TENM2: variants seen among roughly 807,000 people sequenced by gnomAD.
The protein encoded by TENM2 is teneurin transmembrane protein 2, also known as teneurin-2.
In TENM2, 52 loss-of-function variants were observed where a neutral mutation model predicts 245.2. The observed-to-expected ratio is 0.21, with a 90% confidence interval of 0.17 to 0.27. TENM2 has a LOEUF of 0.27. TENM2 is among the 10% of genes least tolerant of loss of function. The pLI is 1.00. For missense variants in TENM2, 3,046 were observed against 3,666.8 expected, an observed-to-expected ratio of 0.83 and a Z score of 4.37; for synonymous variants, 1,363 against 1,438.9, an observed-to-expected ratio of 0.95 and a Z score of 1.19.
rs377613739 is a variant in TENM2 at position 167,451,607 on chromosome 5, A to G, written c.502+76134A>G. Reference sequence around the variant, plus strand: ...CGAGACCTCTGGGATGACGTTTTCTATCTCAAGGGTGCTTTCAGGAGCAGA... The same window carrying G: ...CGAGACCTCTGGGATGACGTTTTCTGTCTCAAGGGTGCTTTCAGGAGCAGA... On this transcript the variant is annotated intron_variant, in intron 2 of 28. Transcript: ENST00000518659. 1.3e-4 allele frequency among the ~76,000 whole-genome samples: 19 copies of G among 151,804 alleles called. No individual in the cohort carries two copies. The South Asian group carries it at 4.0e-3, about 32-fold the overall frequency.
intron 2 of TENM2, among the ~76,000 whole-genome samples, chr5:167,528,536 T>C (rs1771273211): frequency 6.6e-6 from 1 of 152,170 alleles, no homozygotes; most frequent in South Asian, 2.1e-4. Flanking sequence ...AATAAAGTCA[T>C]GTATATAAAA....
chr5:166,983,101 C>A, the TENM2 span, among the ~76,000 whole-genome samples: 1 of 152,010 alleles, frequency 6.6e-6, no homozygotes, highest in Non-Finnish European at 1.5e-5. Flanking sequence ...TAAACCACTA[C>A]TTAACATAAT....
chr5:167,920,056 T>G (rs768426900), intron 3 of TENM2, among the ~76,000 whole-genome samples: 1 of 151,944 alleles, frequency 6.6e-6, no homozygotes, highest in African/African-American at 2.4e-5. Flanking sequence ...GGAAAGGAGA[T>G]GGGAATAGAG....
intron 2 of TENM2, among the ~76,000 whole-genome samples, chr5:167,441,810 G>A (rs1561958694): frequency 1.3e-5 from 2 of 152,122 alleles, no homozygotes; most frequent in South Asian, 2.1e-4. Flanking sequence ...CTTCTCTTGC[G>A]ATGATGGGTA....
chr5:168,083,372 A>G (rs942470017), intron 7 of TENM2, among the ~76,000 whole-genome samples: 1 of 152,220 alleles, frequency 6.6e-6, no homozygotes, highest in African/African-American at 2.4e-5. Flanking sequence ...TGGCTAGGAA[A>G]GGGAATTCCC....
intron 14 of TENM2, 31 bp from the exon 17 acceptor site, chr5:168,195,145 G>T: frequency 4.5e-6 from 7 of 1,564,094 alleles, no homozygotes; most frequent in South Asian, 2.3e-5. Flanking sequence ...CCTGCATGTG[G>T]CTCAAAGACC....
At chr5:167,131,958 G>T in the TENM2 span, among the ~76,000 whole-genome samples, 1 of 152,104 alleles carries the variant, frequency 6.6e-6, no homozygotes, top group Admixed American at 6.5e-5. Context: ...GAGTAGCTAG[G>T]ATTACAGGCG....
intron 2 of TENM2, among the ~76,000 whole-genome samples, chr5:167,650,044 C>G (rs185317662): frequency 2.0e-5 from 3 of 152,312 alleles, no homozygotes; most frequent in African/African-American, 7.2e-5. Context: ...AGATAGACAG[C>G]CTGTACCTCA....
intron 2 of TENM2, among the ~76,000 whole-genome samples, chr5:167,518,087 G>A (rs1301628690): frequency 1.3e-5 from 2 of 152,022 alleles, no homozygotes; most frequent in South Asian, 2.1e-4. Flanking sequence ...TCACGAGGCT[G>A]AGGCAGGAGA....
At chr5:167,566,304 T>C (rs900412297) in intron 2 of TENM2, among the ~76,000 whole-genome samples, 1 of 152,136 alleles carries the variant, frequency 6.6e-6, no homozygotes, top group Non-Finnish European at 1.5e-5. Context: ...TGTCACGTAC[T>C]CTGAGATGCA....
At chr5:167,446,515 T>C (rs1276882378) in intron 2 of TENM2, among the ~76,000 whole-genome samples, 2 of 152,210 alleles carry the variant, frequency 1.3e-5, no homozygotes, top group South Asian at 2.1e-4. Flanking sequence ...ACCATTCTAA[T>C]ATGTGACTTG....
chr5:167,684,706 C>T (rs184524556), intron 2 of TENM2, among the ~76,000 whole-genome samples: 21 of 152,264 alleles, frequency 1.4e-4, no homozygotes, highest in South Asian at 4.1e-4. Context: ...ATTACTAATA[C>T]GAACAGTCGT....
chr5:168,253,025 G>A (rs933408494), intron 27 of TENM2, among the ~76,000 whole-genome samples: 5 of 151,928 alleles, frequency 3.3e-5, no homozygotes, highest in African/African-American at 9.7e-5. Flanking sequence ...GGAGTGCAGT[G>A]GCATGATCTT....
chr5:167,339,180 A>G (rs541869062), intron 1 of TENM2, among the ~76,000 whole-genome samples: 3 of 152,352 alleles, frequency 2.0e-5, no homozygotes, highest in South Asian at 2.1e-4. Flanking sequence ...TCTAAATCAG[A>G]TATGAATGAG....
intron 2 of TENM2, among the ~76,000 whole-genome samples, chr5:167,471,194 A>G (rs1767005651): frequency 1.3e-5 from 2 of 152,164 alleles, no homozygotes; most frequent in Admixed American, 1.3e-4. Context: ...CCATCTCTAC[A>G]TATTCATGAG....
At chr5:167,144,012 C>A in the TENM2 span, among the ~76,000 whole-genome samples, 7 of 152,092 alleles carry the variant, frequency 4.6e-5, no homozygotes, top group African/African-American at 1.7e-4. Flanking sequence ...CTTCTGTGAT[C>A]GCTCATCAAG....
At chr5:167,896,018 G>A (rs1775188684) in intron 3 of TENM2, among the ~76,000 whole-genome samples, 1 of 152,244 alleles carries the variant, frequency 6.6e-6, no homozygotes, top group Non-Finnish European at 1.5e-5. Flanking sequence ...GTTAATGGCA[G>A]CATGAGGTGG....
At position 167,512,028 on chromosome 5, in the gene TENM2, G is replaced by A. The variant is rs372605218; in HGVS notation, c.502+136555G>A. On this transcript the variant is annotated intron_variant, in intron 2 of 28. Transcript: ENST00000518659. The stretch of plus-strand genomic sequence containing the variant: ...ATACTGAGCATGTGAGTTGTGTGAT[G>A]TTCCGTTTTAAGGATAGTTTGAACA... Among the ~76,000 whole-genome samples the A allele has an allele frequency of 2.6e-5, 4 of 152,274 alleles. No homozygotes were observed. The East Asian group carries it at 7.7e-4, about 29-fold the overall frequency.
chr5:168,172,469 A>G (rs1758933994), intron 13 of TENM2, among the ~76,000 whole-genome samples: 1 of 152,172 alleles, frequency 6.6e-6, no homozygotes, highest in South Asian at 2.1e-4. Context: ...TATCCTTTAT[A>G]TAGAAGCAGA....
Sources: allele counts gnomAD v4.1 joint callset (sites outside exome capture counted in the v4.1 genomes callset), GRCh38; gene constraint gnomAD v4.1.1; transcripts MANE v1.5; gene names NCBI Gene and HGNC (gene_info 2026-07-23, HGNC 2026-07-21).